Variants in RSF1 observed in about 807,000 individuals in gnomAD.
RSF1 encodes the protein remodeling and spacing factor 1, also known as HBV pX-associated protein 8.
Under a neutral mutation model 145.2 loss-of-function variants are expected in RSF1, and 13 were observed. The ratio of observed to expected loss-of-function variants is 0.09; its 90% confidence interval spans 0.06 to 0.14. RSF1 has a LOEUF of 0.14. Among genes scored for constraint, RSF1 ranks in the 10% least tolerant of loss-of-function variants. The probability of loss-of-function intolerance (pLI) is 1.00; values close to 1 mark genes in which losing one functional copy is unlikely to be tolerated. For missense variants in RSF1, 1,517 were observed against 1,718.2 expected, an observed-to-expected ratio of 0.88 and a Z score of 2.07; for synonymous variants, 577 against 592.6, an observed-to-expected ratio of 0.97 and a Z score of 0.38.
intron 1 of RSF1, among the ~76,000 whole-genome samples, chr11:77,820,260 C>T (rs1435558115): frequency 6.6e-6 from 1 of 152,186 alleles, no homozygotes; most frequent in Non-Finnish European, 1.5e-5. Context: ...ACAATGACCC[C>T]TCCCCGCCTC....
intron 5 of RSF1, among the ~76,000 whole-genome samples, chr11:77,723,420 A>T (rs59404463): frequency 2.0e-5 from 3 of 152,226 alleles, no homozygotes; most frequent in Middle Eastern, 3.4e-3. Context: ...CAATGACTGC[A>T]CCACTGTACT....
the RSF1 span, chr11:77,842,420 T>A: frequency 6.6e-7 from 1 of 1,508,006 alleles, no homozygotes; most frequent in East Asian, 2.3e-5. Context: ...TCACTGTATT[T>A]TCAAACTGTT....
chr11:77,867,102 A>G, the RSF1 span, among the ~76,000 whole-genome samples: 1 of 152,146 alleles, frequency 6.6e-6, no homozygotes, highest in Non-Finnish European at 1.5e-5. Flanking sequence ...TGGCCTCCCA[A>G]AGTGCTGGGA....
At chr11:77,790,768 C>CA (rs1948509016) in intron 1 of RSF1, among the ~76,000 whole-genome samples, 1 of 152,180 alleles carries the variant, frequency 6.6e-6, no homozygotes, top group South Asian at 2.1e-4. Flanking sequence ...CTTAAAGCTC[C>CA]AAAATGACCT....
intron 5 of RSF1, among the ~76,000 whole-genome samples, chr11:77,716,034 C>T (rs931586655): frequency 3.9e-5 from 6 of 152,002 alleles, no homozygotes; most frequent in African/African-American, 1.2e-4. Context: ...TCTTACTACT[C>T]ATCAGGAAAA....
rs1364577028 is a variant in RSF1, at chr11:77,701,321, G to A, written c.1908C>T (p.Asp636=). 1 of 1,614,042 alleles carries A rather than the reference G, an allele frequency of 6.2e-7. No individual in the cohort carries two copies. The highest frequency in any genetic ancestry group is 8.5e-7 in the Non-Finnish European group (1 of 1,180,010). Residue 636 remains aspartate, a synonymous_variant, in exon 6 of 16, where the codon GAC becomes GAT. Transcript: ENST00000308488. The part of the protein sequence containing the change: ...AETSPPSNII[D]HCEKLASEKE... Reference sequence around the variant, plus strand: ...TTTCTGAGGCTAGTTTCTCACAGTGGTCAATGATATTAGATGGTGGAGAAG... The same window carrying A: ...TTTCTGAGGCTAGTTTCTCACAGTGATCAATGATATTAGATGGTGGAGAAG...
rs146148194 is a variant in RSF1 at position 77,709,546 on chromosome 11, A to C, written c.734-7051T>G. 2.9e-3 allele frequency among the ~76,000 whole-genome samples: 448 copies of C among 152,336 alleles called. 1 individual carries two copies. Among genetic ancestry groups the C allele is most frequent in the African/African-American group, 0.01 (430 of 41,568 alleles). On this transcript the variant is annotated intron_variant, in intron 5 of 15. Transcript: ENST00000308488. ...GCCAAAGAAACTTTCACGATTTTGA[A>C]AATGTCAACAGACTTAACAGTTTCC... is the stretch of plus-strand genomic sequence containing the variant.
the RSF1 span, chr11:77,850,804 A>G: frequency 1.3e-5 from 2 of 150,900 alleles, no homozygotes; most frequent in Admixed American, 1.3e-4. Flanking sequence ...ACACACACAC[A>G]CATACACTCA....
At chr11:77,686,427 A>AAAAAAAAAAAAAAAAAAAAAAC (rs1393704716) in intron 9 of RSF1, among the ~76,000 whole-genome samples, 2 of 150,186 alleles carry the variant, frequency 1.3e-5, no homozygotes, top group African/African-American at 2.4e-5. Context: ...AAAAAAAAAA[A>AAAAAAAAAAAAAAAAAAAAAAC]AGCAGGTGTT....
intron 1 of RSF1, among the ~76,000 whole-genome samples, chr11:77,775,620 T>A (rs1948334565): frequency 6.6e-6 from 1 of 152,228 alleles, no homozygotes; most frequent in African/African-American, 2.4e-5. Flanking sequence ...ATGCTCATCA[T>A]GTATATTCCA....
chr11:77,867,492 A>T, the RSF1 span, among the ~76,000 whole-genome samples: 1 of 152,190 alleles, frequency 6.6e-6, no homozygotes, highest in Non-Finnish European at 1.5e-5. Context: ...TCCATGGAAC[A>T]TTTGGTTCAT....
Position 77,734,386 on chromosome 11 carries a change from A to T in RSF1, c.578+6345T>A, listed in dbSNP as rs564520288. On this transcript the variant is annotated intron_variant, in intron 4 of 15. Transcript: ENST00000308488. The stretch of plus-strand genomic sequence containing the variant: ...TTAGGTGGATGTTTTGGTACAACTT[A>T]TAGAAAAGGTAAAGGAAACCCCAAC... 2.8e-3 allele frequency: 2,479 copies of T among 886,020 alleles called. 14 individuals are homozygous for T. The highest frequency in any genetic ancestry group is 9.3e-3 in the Middle Eastern group (28 of 3,022). 54.9% of individuals were successfully genotyped at this position (886,020 alleles called of 1,614,324 possible).
intron 5 of RSF1, among the ~76,000 whole-genome samples, chr11:77,709,041 C>T (rs1328467602): frequency 1.3e-5 from 2 of 151,990 alleles, no homozygotes; most frequent in Non-Finnish European, 2.9e-5. Context: ...GAAGATAAAC[C>T]CTGGTCAGTC....
the RSF1 span, among the ~76,000 whole-genome samples, chr11:77,837,005 C>G: frequency 3.3e-5 from 5 of 152,228 alleles, no homozygotes; most frequent in Admixed American, 3.3e-4. Flanking sequence ...ATGTGTTTGT[C>G]TTCTCTACTG....
the RSF1 span, chr11:77,869,832 G>A: frequency 1.2e-5 from 20 of 1,610,610 alleles, no homozygotes; most frequent in Non-Finnish European, 1.7e-5. Context: ...GTGTTGGTAT[G>A]CACAGCATTC....
intron 1 of RSF1, among the ~76,000 whole-genome samples, chr11:77,803,907 C>A (rs983857166): frequency 6.6e-6 from 1 of 152,128 alleles, no homozygotes; most frequent in Non-Finnish European, 1.5e-5. Flanking sequence ...TAGTGAGACC[C>A]CATCTCTAGA....
At chr11:77,778,303 C>G (rs1175573765) in intron 1 of RSF1, among the ~76,000 whole-genome samples, 1 of 147,804 alleles carries the variant, frequency 6.8e-6, no homozygotes, top group African/African-American at 2.5e-5. Context: ...TACCTTCAGG[C>G]TTTAGAGAAA....
intron 1 of RSF1, among the ~76,000 whole-genome samples, chr11:77,772,777 A>G (rs1031508209): frequency 6.6e-6 from 1 of 150,922 alleles, no homozygotes; most frequent in African/African-American, 2.4e-5. Context: ...AACTGGAAGC[A>G]ATGATCTAAT....
upstream of RSF1, among the ~76,000 whole-genome samples, chr11:77,825,806 C>T (rs1346451105): frequency 6.6e-6 from 1 of 151,984 alleles, no homozygotes; most frequent in Admixed American, 6.5e-5. Context: ...ATTCTCCTGC[C>T]TCAGCCTCCC....
Sources: gnomAD v4.1 joint callset for allele counts (sites outside exome capture counted in the v4.1 genomes callset) on GRCh38, gnomAD v4.1.1 for gene constraint, MANE v1.5 for transcripts, NCBI Gene and HGNC (gene_info 2026-07-23, HGNC 2026-07-21) for gene names.